The following DPP6 variants were observed in gnomAD, a reference collection of about 807,000 sequenced individuals.
DPP6 encodes dipeptidyl peptidase like 6.
A neutral mutation model predicts 122.6 loss-of-function variants in DPP6; 69 were observed. That is an observed-to-expected ratio of 0.56 (90% CI 0.46 to 0.69). DPP6 has a LOEUF of 0.69. Ranked by LOEUF, DPP6 falls within the 30% of genes least tolerant of loss-of-function variation. The pLI, the probability that DPP6 is intolerant of heterozygous loss-of-function variation, is 0.00. For missense variants in DPP6, 928 were observed against 1,116.9 expected (o/e 0.83, Z 2.41); for synonymous variants, 418 against 433.1 (o/e 0.97, Z 0.43).
chr7:154,563,295 T>C (rs1033441801), intron 4 of DPP6, among the ~76,000 whole-genome samples: 2 of 152,170 alleles, frequency 1.3e-5, no homozygotes, highest in Non-Finnish European at 2.9e-5. Flanking sequence ...CAGATGGGAC[T>C]GAGGGGAGAA....
intron 1 of DPP6, among the ~76,000 whole-genome samples, chr7:153,976,678 T>C (rs1335533095): frequency 6.6e-6 from 1 of 152,036 alleles, no homozygotes. Flanking sequence ...AGGAAGAAAA[T>C]GAATATTTTC....
intron 12 of DPP6, among the ~76,000 whole-genome samples, chr7:154,799,741 T>G (rs1798244624): frequency 6.6e-6 from 1 of 152,210 alleles, no homozygotes; most frequent in South Asian, 2.1e-4. Flanking sequence ...GCATTGTGTG[T>G]GATAAATTCT....
chr7:154,183,224 C>A (rs1449304179), intron 1 of DPP6, among the ~76,000 whole-genome samples: 4 of 152,130 alleles, frequency 2.6e-5, no homozygotes, highest in Admixed American at 6.5e-5. Context: ...TGCCTCTGAG[C>A]CACCTTTTCA....
At chr7:154,235,966 CCTCAGT>C (rs1289535235) in intron 1 of DPP6, among the ~76,000 whole-genome samples, 2 of 152,138 alleles carry the variant, frequency 1.3e-5, no homozygotes, top group Non-Finnish European at 2.9e-5. Flanking sequence ...GATTCTCTTG[CCTCAGT>C]CTCCCAGCTA....
At chr7:154,122,850 C>T (rs1163360892) in intron 1 of DPP6, among the ~76,000 whole-genome samples, 6 of 152,262 alleles carry the variant, frequency 3.9e-5, no homozygotes, top group Admixed American at 6.5e-5. Flanking sequence ...CATCACTGTG[C>T]GCCCTTTGAC....
chr7:153,964,077 T>A (rs1224109972), intron 1 of DPP6, among the ~76,000 whole-genome samples: 1 of 152,086 alleles, frequency 6.6e-6, no homozygotes, highest in Non-Finnish European at 1.5e-5. Context: ...CTCACTGCAA[T>A]CTCCATCTCC....
chr7:154,691,494 T>C (rs756454403), intron 7 of DPP6, among the ~76,000 whole-genome samples: 2 of 152,156 alleles, frequency 1.3e-5, no homozygotes, highest in Non-Finnish European at 2.9e-5. Flanking sequence ...TAAATGAAAC[T>C]TGTTTACATA....
intron 1 of DPP6, among the ~76,000 whole-genome samples, chr7:154,365,907 G>A (rs566523571): frequency 1.4e-5 from 2 of 146,480 alleles, no homozygotes; most frequent in South Asian, 2.2e-4. Flanking sequence ...GCAGTGAGCC[G>A]AGATCGCGCC....
intron 1 of DPP6, among the ~76,000 whole-genome samples, chr7:154,166,816 C>T (rs1315478411): frequency 6.7e-6 from 1 of 148,954 alleles, no homozygotes; most frequent in Non-Finnish European, 1.5e-5. Context: ...GAGGCTGAGG[C>T]AGAAGAATTG....
intron 1 of DPP6, among the ~76,000 whole-genome samples, chr7:154,230,491 A>C (rs1157836668): frequency 3.9e-5 from 6 of 152,130 alleles, no homozygotes; most frequent in Admixed American, 6.6e-5. Flanking sequence ...TCCAGCTAAA[A>C]GCTCCTCCCA....
At chr7:153,986,520 C>T (rs1796858257) in intron 1 of DPP6, among the ~76,000 whole-genome samples, 1 of 152,154 alleles carries the variant, frequency 6.6e-6, no homozygotes, top group Non-Finnish European at 1.5e-5. Flanking sequence ...CTCCTTGCCT[C>T]AGTCCAAACT....
chr7:154,819,651 AT>A (rs1197039004), intron 16 of DPP6, among the ~76,000 whole-genome samples: 7 of 152,102 alleles, frequency 4.6e-5, no homozygotes, highest in Non-Finnish European at 1.0e-4. Flanking sequence ...GAGCACATAC[AT>A]TTCTCTTTTT....
intron 1 of DPP6, among the ~76,000 whole-genome samples, chr7:154,368,128 G>GT (rs1812340965): frequency 6.6e-6 from 1 of 152,196 alleles, no homozygotes. Flanking sequence ...ACTGTGGAAT[G>GT]TAAGTGAAAT....
the DPP6 span, among the ~76,000 whole-genome samples, chr7:153,823,663 G>A: frequency 1.3e-5 from 2 of 150,966 alleles, no homozygotes; most frequent in African/African-American, 2.4e-5. Context: ...GAGGACTCAG[G>A]GTGTGAGGGG....
At chr7:154,240,016 A>ACTGAT in intron 1 of DPP6, among the ~76,000 whole-genome samples, 1 of 121,106 alleles carries the variant, frequency 8.3e-6, no homozygotes, top group African/African-American at 3.8e-5. Flanking sequence ...AAAAAAAAAA[A>ACTGAT]AAAAAAAAAA....
chr7:154,555,369 A>G (rs1437488803), intron 4 of DPP6, among the ~76,000 whole-genome samples: 1 of 152,030 alleles, frequency 6.6e-6, no homozygotes, highest in South Asian at 2.1e-4. Flanking sequence ...TGCAAGGACA[A>G]AAAACCAAAC....
intron 1 of DPP6, among the ~76,000 whole-genome samples, chr7:154,167,690 G>A (rs536457307): frequency 4.6e-5 from 7 of 152,280 alleles, no homozygotes; most frequent in Admixed American, 1.3e-4. Context: ...CGACATTCAC[G>A]TTTTATAACA....
At position 153,929,064 on chromosome 7, in the gene DPP6, G is replaced by T. The variant is rs182331831; in HGVS notation, c.51+41330G>T. Among the ~76,000 whole-genome samples, 8 of 152,292 alleles carry T rather than the reference G, an allele frequency of 5.3e-5. No individual in the cohort carries two copies. In the South Asian group the frequency reaches 1.5e-3, roughly 28 times the overall value. ...TGGGCTTTACCTCCAGAGAGATGAC[G>T]TGACTGGAAGGTTTGAGTCGAGGAG... On this transcript the variant is annotated intron_variant, in intron 1 of 25. Transcript: ENST00000404039.
chr7:154,514,791 A>G (rs528289867), intron 3 of DPP6, among the ~76,000 whole-genome samples: 3 of 152,354 alleles, frequency 2.0e-5, no homozygotes, highest in Non-Finnish European at 2.9e-5. Flanking sequence ...TTATCTGTCA[A>G]TAGAATCTTG....
Sources: allele counts gnomAD v4.1 joint callset (sites outside exome capture counted in the v4.1 genomes callset), GRCh38; gene constraint gnomAD v4.1.1; transcripts MANE v1.5; gene names NCBI Gene and HGNC (gene_info 2026-07-23, HGNC 2026-07-21).